Variants in MBD5 observed in about 807,000 individuals in gnomAD.
The protein encoded by MBD5 is methyl-CpG-binding domain protein 5.
A neutral mutation model predicts 117.3 loss-of-function variants in MBD5; 13 were observed. The ratio of observed to expected loss-of-function variants is 0.11; its 90% CI spans 0.07 to 0.18. The LOEUF is 0.18. Ranked by LOEUF, MBD5 falls within the 10% of genes least tolerant of loss-of-function variation. The pLI is 1.00. For missense variants in MBD5, 1,879 were observed against 2,093.8 expected, an observed-to-expected ratio of 0.90 and a Z score of 2.00; for synonymous variants, 727 against 766.4, an observed-to-expected ratio of 0.95 and a Z score of 0.85.
At chr2:148,244,170 T>C (rs112479072) in intron 3 of MBD5, 16 of 152,044 alleles carry the variant, frequency 1.1e-4, no homozygotes, top group African/African-American at 3.9e-4. Context: ...TAGAACAAAA[T>C]AGGCAAATTA....
chr2:148,252,168 A>T (rs1000583544), intron 3 of MBD5, among the ~76,000 whole-genome samples: 20 of 152,158 alleles, frequency 1.3e-4, no homozygotes, highest in Non-Finnish European at 2.4e-4. Context: ...AAGTGTCCTC[A>T]TTAAGAAACA....
At chr2:148,130,648 CA>C (rs1697022996) in intron 1 of MBD5, among the ~76,000 whole-genome samples, 2 of 151,894 alleles carry the variant, frequency 1.3e-5, no homozygotes, top group Admixed American at 6.6e-5. Context: ...GACTCCTCAT[CA>C]GGGGAGACAT....
chr2:148,461,152 C>T (rs934954638), intron 5 of MBD5, among the ~76,000 whole-genome samples: 2 of 152,128 alleles, frequency 1.3e-5, no homozygotes, highest in African/African-American at 4.8e-5. Flanking sequence ...AGGCTGGTCT[C>T]AAATTCCTGA....
intron 1 of MBD5, among the ~76,000 whole-genome samples, chr2:148,084,986 A>G (rs1175732725): frequency 6.6e-6 from 1 of 152,240 alleles, no homozygotes; most frequent in Non-Finnish European, 1.5e-5. Flanking sequence ...ACTGAGATAG[A>G]AAATGTCACC....
At chr2:148,176,764 T>G (rs1698400126) in intron 1 of MBD5, among the ~76,000 whole-genome samples, 2 of 151,146 alleles carry the variant, frequency 1.3e-5, no homozygotes, top group Admixed American at 1.3e-4. Context: ...TTAGTAGTTA[T>G]GAGAGAGAGA....
chr2:148,357,036 T>A (rs998472574), intron 4 of MBD5, among the ~76,000 whole-genome samples: 13 of 152,330 alleles, frequency 8.5e-5, no homozygotes, highest in African/African-American at 2.6e-4. Flanking sequence ...GGTTCTAACA[T>A]TAGAAGATGC....
chr2:148,032,844 A>G (rs577561284), intron 1 of MBD5, among the ~76,000 whole-genome samples: 21 of 152,206 alleles, frequency 1.4e-4, no homozygotes, highest in African/African-American at 4.8e-5. Flanking sequence ...CAGAAATAAC[A>G]TTGGAAACCA....
At chr2:148,180,359 T>TATATATATATATATAA (rs1457174079) in intron 2 of MBD5, among the ~76,000 whole-genome samples, 1 of 119,150 alleles carries the variant, frequency 8.4e-6, no homozygotes, top group African/African-American at 2.8e-5. Context: ...TATATATATA[T>TATATATATATATATAA]ATGTATATAT....
intron 4 of MBD5, among the ~76,000 whole-genome samples, chr2:148,351,511 C>A (rs1703249490): frequency 6.6e-6 from 1 of 152,010 alleles, no homozygotes; most frequent in Admixed American, 6.6e-5. Flanking sequence ...CATTCATCAG[C>A]TGATGGACAT....
intron 3 of MBD5, among the ~76,000 whole-genome samples, chr2:148,240,617 T>C (rs540574434): frequency 1.3e-5 from 2 of 152,318 alleles, no homozygotes; most frequent in Admixed American, 1.3e-4. Flanking sequence ...GAAGACTCTT[T>C]CTAATCATTA....
At chr2:148,048,602 T>C (rs1272276989) in intron 1 of MBD5, among the ~76,000 whole-genome samples, 1 of 152,090 alleles carries the variant, frequency 6.6e-6, no homozygotes, top group Non-Finnish European at 1.5e-5. Context: ...TTTGCTGTTT[T>C]GGAGTTGGAG....
At chr2:148,432,589 A>C (rs1706023447) in intron 4 of MBD5, among the ~76,000 whole-genome samples, 1 of 152,302 alleles carries the variant, frequency 6.6e-6, no homozygotes, top group Middle Eastern at 3.4e-3. Flanking sequence ...GCATATGGCT[A>C]GACAATTATC....
Position 148,137,116 on chromosome 2 carries a change from T to C in MBD5, c.-924-41584T>C, listed in dbSNP as rs532837281. Among the ~76,000 whole-genome samples, 8 of 152,266 alleles carry C rather than the reference T, an allele frequency of 5.3e-5. No individual in the cohort carries two copies. The East Asian group carries it at 1.5e-3, about 29-fold the overall frequency. ...CATTATTATTAGCAACTTGCAGCTC[T>C]TCTTAATTTCCTTTATACCCCTTGC... On this transcript the variant is annotated intron_variant, in intron 1 of 13. Transcript: ENST00000642680.
chr2:148,132,863 T>C (rs1574048944), intron 1 of MBD5, among the ~76,000 whole-genome samples: 1 of 152,242 alleles, frequency 6.6e-6, no homozygotes, highest in Non-Finnish European at 1.5e-5. Flanking sequence ...ATAGCTACTA[T>C]GTACTTTTGT....
Position 148,469,649 on chromosome 2 carries a change from A to T in MBD5, c.1706A>T (p.His569Leu). 1 of 1,614,002 alleles carries T rather than the reference A, an allele frequency of 6.2e-7. No homozygotes were observed. Among genetic ancestry groups the T allele is most frequent in the Non-Finnish European group, 8.5e-7 (1 of 1,179,912 alleles). ...GMPLNQILNQ[H>L]NAASFPASSL... ...CCTTTAAATCAGATCTTGAACCAGC[A>T]CAATGCTGCCTCCTTTCCAGCAAGT... is the stretch of plus-strand genomic sequence containing the variant. Residue 569 changes from histidine to leucine, a missense_variant, in exon 8 of 14, where the codon CAC (histidine) becomes CTC (leucine). His to Leu is a moderately conservative substitution (Grantham distance 99). Coordinates refer to ENST00000642680, the MANE Select transcript of MBD5 (RefSeq NM_001378120.1).
intron 3 of MBD5, among the ~76,000 whole-genome samples, chr2:148,325,967 G>T (rs532778724): frequency 3.9e-5 from 6 of 152,124 alleles, no homozygotes; most frequent in South Asian, 2.1e-4. Context: ...TCTCTTGTGG[G>T]CATTTAGTGC....
intron 4 of MBD5, among the ~76,000 whole-genome samples, chr2:148,357,390 A>G (rs1703411431): frequency 6.6e-6 from 1 of 151,030 alleles, no homozygotes; most frequent in East Asian, 1.9e-4. Context: ...GTGATGCTCC[A>G]CTCTCTTCAG....
At chr2:148,160,919 G>A (rs1337570208) in intron 1 of MBD5, among the ~76,000 whole-genome samples, 1 of 152,116 alleles carries the variant, frequency 6.6e-6, no homozygotes, top group Non-Finnish European at 1.5e-5. Flanking sequence ...ACACCCAAGA[G>A]TACCTAAACT....
chr2:148,304,858 C>G (rs1701853611), intron 3 of MBD5, among the ~76,000 whole-genome samples: 2 of 151,918 alleles, frequency 1.3e-5, no homozygotes, highest in Non-Finnish European at 2.9e-5. Context: ...GTCAGGATAT[C>G]GAGACCATCC....
Sources: allele counts gnomAD v4.1 joint callset (sites outside exome capture counted in the v4.1 genomes callset), GRCh38; gene constraint gnomAD v4.1.1; transcripts MANE v1.5; gene names NCBI Gene and HGNC (gene_info 2026-07-23, HGNC 2026-07-21).